The following TNNI2 variants were observed in gnomAD, a reference collection of about 807,000 sequenced individuals.
TNNI2 encodes the protein troponin I, fast skeletal muscle.
Under a neutral mutation model 26.5 loss-of-function variants are expected in TNNI2, and 14 were observed. The observed-to-expected ratio is 0.53, with a 90% CI of 0.35 to 0.83. The LOEUF (loss-of-function observed/expected upper bound fraction) is 0.83. Among genes scored for constraint, TNNI2 ranks in the 40% least tolerant of loss-of-function variants. The pLI is 0.01. For synonymous variants in TNNI2, 126 were observed against 97.6 expected, an observed-to-expected ratio of 1.29 and a Z score of -1.71; for missense variants, 205 against 248.5, an observed-to-expected ratio of 0.82 and a Z score of 1.18.
At chr11:1,840,506 C>T (rs1037840145) in intron 4 of TNNI2, 22 bp from the exon 5 acceptor site, 1 of 1,610,804 alleles carries the variant, frequency 6.2e-7, no homozygotes, top group Admixed American at 1.7e-5. Context: ...GCTGCAGCCC[C>T]TCACCGCCTG....
rs767774291 is a variant in TNNI2 at position 1,841,028 on chromosome 11, C to T, written c.277-3C>T. 1.2e-5 allele frequency: 19 copies of T among 1,612,566 alleles called. No homozygotes were observed. Among genetic ancestry groups the T allele is most frequent in the Non-Finnish European group, 1.4e-5 (17 of 1,179,690 alleles). ...GGCTCCCACCCGGCTCCCCTGCCCA[C>T]AGCTGGAGGACATGAACCAGAAGCT... On this transcript the variant is annotated splice_polypyrimidine_tract_variant and splice_region_variant and intron_variant, in intron 6 of 7. Coordinates refer to ENST00000381911, the MANE Select transcript of TNNI2 (RefSeq NM_003282.4).
chr11:1,839,443 T>A, intron 1 of TNNI2: 41 of 332,440 alleles, frequency 1.2e-4, no homozygotes, highest in Non-Finnish European at 1.7e-4. Flanking sequence ...CTGCAGCTCC[T>A]CAGGCTATGC....
rs758408965 is a variant in TNNI2, at chr11:1,840,463, G to C, written c.57+19G>C. Reference sequence around the variant, plus strand: ...CCTGAAGGTAGGTGTGGGCTCCCGGGGGGGTGGCCCAGGTGGGTCTGCAGG... The same window carrying C: ...CCTGAAGGTAGGTGTGGGCTCCCGGCGGGGTGGCCCAGGTGGGTCTGCAGG... On this transcript the variant is annotated intron_variant, in intron 4 of 7. Transcript: ENST00000381911. The C allele has an allele frequency of 3.7e-6, 6 of 1,610,874 alleles. No individual in the cohort carries two copies. The highest frequency in any genetic ancestry group is 1.7e-5 in the Admixed American group (1 of 59,898).
chr11:1,839,551 G>C (rs1847117157), intron 1 of TNNI2, 124 bp from the exon 2 acceptor site: 1 of 893,796 alleles, frequency 1.1e-6, no homozygotes. Flanking sequence ...GAGGAGGTGA[G>C]AGTAGGGGGT....
intron 1 of TNNI2, 188 bp from the exon 2 acceptor site, chr11:1,839,487 T>C: frequency 2.1e-6 from 1 of 487,216 alleles, no homozygotes; most frequent in African/African-American, 2.0e-5. Context: ...CTCCTCTTAC[T>C]TCTCACCCTG....
chr11:1,840,483 T>C (rs1483145757), intron 4 of TNNI2, 39 bp downstream of exon 4: 1 of 1,610,680 alleles, frequency 6.2e-7, no homozygotes, highest in Non-Finnish European at 8.5e-7. Context: ...CAGGTGGGTC[T>C]GCAGGGGAGC....
chr11:1,841,230 C>A, intron 7 of TNNI2, 23 bp downstream of exon 7: 1 of 1,607,706 alleles, frequency 6.2e-7, no homozygotes. Flanking sequence ...GGGGGAGCAC[C>A]ACCACACCTA....
intron 3 of TNNI2, chr11:1,840,128 C>G: frequency 1.4e-6 from 2 of 1,402,970 alleles, no homozygotes; most frequent in Non-Finnish European, 2.0e-6. Context: ...CCCACCTCAC[C>G]GGCCGACCTG....
At position 1,841,590 on chromosome 11, in the gene TNNI2, C is replaced by T; in HGVS notation, c.*39C>T. 6.3e-7 allele frequency: 1 copy of T among 1,590,062 alleles called. No homozygotes were observed. Among genetic ancestry groups the T allele is most frequent in the Non-Finnish European group, 8.6e-7 (1 of 1,159,014 alleles). ...CCTACGCCTGCCCCGGTGCCCGGCT[C>T]CCAGCAGAACATACTAGGGAGATGC... On this transcript the variant is annotated 3_prime_UTR_variant, in exon 8 of 8. Coordinates refer to ENST00000381911, the MANE Select transcript of TNNI2 (RefSeq NM_003282.4).
At chr11:1,841,361 C>T (rs1847177568) in intron 7 of TNNI2, 95 bp from the exon 8 acceptor site, 4 of 1,527,660 alleles carry the variant, frequency 2.6e-6, no homozygotes, top group African/African-American at 1.4e-5. Context: ...CTCCACTGCC[C>T]AATGCAGAGG....
chr11:1,841,426 C>A, intron 7 of TNNI2, 30 bp from the exon 8 acceptor site: 1 of 1,611,530 alleles, frequency 6.2e-7, no homozygotes, highest in Non-Finnish European at 8.5e-7. Context: ...GTGGGTGAGC[C>A]TGAGCTCTCT....
chr11:1,839,470 A>G (rs931983771), intron 1 of TNNI2: 14 of 594,348 alleles, frequency 2.4e-5, no homozygotes, highest in African/African-American at 2.2e-4. Context: ...CATTTTGGGA[A>G]CACTTTCTCC....
rs1247372963 is a variant in TNNI2, at chr11:1,839,864, T to C, written c.15+9T>C. The C allele has an allele frequency of 1.2e-6, 2 of 1,613,772 alleles. No homozygotes were observed. The highest frequency in any genetic ancestry group is 1.1e-5 in the South Asian group (1 of 91,074). ...CCCTGGACAGTGAGGAGGTAAGTAG[T>C]TGCTGGGGGCTCAAAACATGACGAG... is the stretch of plus-strand genomic sequence containing the variant. On this transcript the variant is annotated intron_variant, in intron 3 of 7. Transcript: ENST00000381911.
At chr11:1,840,707 C>T in intron 5 of TNNI2, 51 bp downstream of exon 5, 2 of 1,611,886 alleles carry the variant, frequency 1.2e-6, no homozygotes, top group Non-Finnish European at 1.7e-6. Flanking sequence ...GGCCTGCCTG[C>T]TAACTCAGTT....
At chr11:1,839,620 C>T in intron 1 of TNNI2, 55 bp from the exon 2 acceptor site, 1 of 1,603,116 alleles carries the variant, frequency 6.2e-7, no homozygotes. Flanking sequence ...CTGATGGGCA[C>T]AGGCATCACG....
rs2133036226 is a variant in TNNI2 at position 1,841,575 on chromosome 11, C to G, written c.*24C>G. ...AGGCCACTCGCTGCCCCTACGCCTG[C>G]CCCGGTGCCCGGCTCCCAGCAGAAC... is the stretch of plus-strand genomic sequence containing the variant. On this transcript the variant is annotated 3_prime_UTR_variant, in exon 8 of 8. Coordinates refer to ENST00000381911, the MANE Select transcript of TNNI2 (RefSeq NM_003282.4). The G allele has an allele frequency of 1.9e-6, 3 of 1,608,314 alleles. No homozygotes were observed. Among genetic ancestry groups the G allele is most frequent in the Non-Finnish European group, 2.6e-6 (3 of 1,174,956 alleles).
chr11:1,841,586 G>C lies in TNNI2; in HGVS notation c.*35G>C. ...TGCCCCTACGCCTGCCCCGGTGCCC[G>C]GCTCCCAGCAGAACATACTAGGGAG... On this transcript the variant is annotated 3_prime_UTR_variant, in exon 8 of 8. Transcript: ENST00000381911. 6.2e-7 allele frequency: 1 copy of C among 1,600,048 alleles called. No homozygotes were observed. Among genetic ancestry groups the C allele is most frequent in the Non-Finnish European group, 8.6e-7 (1 of 1,167,946 alleles).
chr11:1,841,150 G>A lies in TNNI2; in HGVS notation c.396G>A (p.Lys132=). 1 of 1,613,250 alleles carries A rather than the reference G, an allele frequency of 6.2e-7. No homozygotes were observed. Among genetic ancestry groups the A allele is most frequent in the Admixed American group, 1.7e-5 (1 of 60,030 alleles). The change falls in exon 7 of 8, where the codon AAG becomes AAA. Residue 132 remains lysine (K), a synonymous_variant. Transcript: ENST00000381911. ...AGGCCCTGCTGGGCTCGAAGCACAAGGTGTGCATGGACCTGAGGGCCAACC... is the reference window on the plus strand; with the variant it reads ...AGGCCCTGCTGGGCTCGAAGCACAAAGTGTGCATGGACCTGAGGGCCAACC... ...MLKALLGSKH[K]VCMDLRANLK...
In TNNI2 at chr11:1,840,577, GC is replaced by G. The variant is rs1847144162; in HGVS notation, c.109del (p.Arg37ValfsTer48). 3.7e-6 allele frequency: 6 copies of G among 1,612,726 alleles called. No homozygotes were observed. Among genetic ancestry groups the G allele is most frequent in the Non-Finnish European group, 5.1e-6 (6 of 1,179,842 alleles). On this transcript the variant is annotated frameshift_variant, in exon 5 of 8. Coordinates refer to ENST00000381911, the MANE Select transcript of TNNI2 (RefSeq NM_003282.4). LOFTEE classifies it high-confidence loss of function. ...ACGGAGCTGGAGAAGGAGGAGAGCC[GC>G]CGTGAGGCAGAGAAGCAGAACTACC... ...AATELEKEES[R>X]REAEKQNYLA...
Sources: gnomAD v4.1 joint callset for allele counts on GRCh38, gnomAD v4.1.1 for gene constraint, MANE v1.5 for transcripts, NCBI Gene and HGNC (gene_info 2026-07-23, HGNC 2026-07-21) for gene names.